CRISPLD1: variants seen among roughly 807,000 people sequenced by gnomAD.
The protein encoded by CRISPLD1 is cysteine-rich secretory protein LCCL domain-containing 1.
In CRISPLD1, 60 loss-of-function variants were observed where a neutral mutation model predicts 77.5. The observed-to-expected ratio is 0.77, with a 90% CI of 0.63 to 0.96. The LOEUF (loss-of-function observed/expected upper bound fraction) is 0.96, where lower values mean the gene tolerates loss of function less well. CRISPLD1 is among the 40% of genes least tolerant of loss of function. The pLI, the probability that CRISPLD1 is intolerant of heterozygous loss-of-function variation, is 0.00. For synonymous variants in CRISPLD1, 195 were observed against 200.1 expected (o/e 0.97, Z 0.22); for missense variants, 623 against 615.8 (o/e 1.01, Z -0.12).
At position 74,986,128 on chromosome 8, in the gene CRISPLD1, G is replaced by T. The variant is rs1395663137; in HGVS notation, c.141G>T (p.Trp47Cys). 1.9e-6 allele frequency: 3 copies of T among 1,614,038 alleles called. No homozygotes were observed. Among genetic ancestry groups the T allele is most frequent in the Non-Finnish European group, 1.7e-6 (2 of 1,180,044 alleles). Residue 47 changes from tryptophan (W) to cysteine (C), a missense_variant, in exon 2 of 15, where the codon TGG becomes TGT. Coordinates refer to ENST00000262207, the MANE Select transcript of CRISPLD1 (RefSeq NM_031461.6). ...ACATGGATGAGGATGGTGAGTGGTGGATAGCCAAACAACGAGGGAAAAGGG... is the reference window on the plus strand; with the variant it reads ...ACATGGATGAGGATGGTGAGTGGTGTATAGCCAAACAACGAGGGAAAAGGG... ...EKYMDEDGEW[W>C]IAKQRGKRAI...
intron 13 of CRISPLD1, chr8:75,026,371 T>G (rs1311552111): frequency 6.6e-6 from 1 of 152,414 alleles, no homozygotes; most frequent in African/African-American, 2.4e-5. Context: ...AGCCAGGTTT[T>G]TAGTGTTGGT....
intron 5 of CRISPLD1, among the ~76,000 whole-genome samples, chr8:75,014,404 A>G (rs17296737): frequency 0.026 from 3,994 of 152,244 alleles, 63 homozygotes; most frequent in Non-Finnish European, 0.035. Flanking sequence ...ATTAACAGCT[A>G]TACATTAATT....
In CRISPLD1 at chr8:75,032,285, C is replaced by T. The variant is rs774247128; in HGVS notation, c.*43C>T. The T allele has an allele frequency of 5.5e-6, 8 of 1,462,120 alleles. No homozygotes were observed. The highest frequency in any genetic ancestry group is 7.6e-6 in the Non-Finnish European group (8 of 1,055,840). The allele number at this position is 1,462,120 out of a possible 1,614,324, so 90.6% of individuals were successfully genotyped here. ...AGGACCATAAAGACTATTCCAAATG[C>T]AATATTTCTGAATTTTGTATAAAAC... On this transcript the variant is annotated 3_prime_UTR_variant, in exon 15 of 15. Transcript: ENST00000262207.
In CRISPLD1 at chr8:75,020,074, C is replaced by A; in HGVS notation, c.1239C>A (p.Cys413Ter). The A allele has an allele frequency of 6.2e-7, 1 of 1,613,624 alleles. No homozygotes were observed. The highest frequency in any genetic ancestry group is 8.5e-7 in the Non-Finnish European group (1 of 1,179,576). The change falls in exon 12 of 15, where the codon TGC becomes TGA. Residue 413 changes from cysteine to a stop codon, truncating the protein, a stop_gained. Coordinates refer to ENST00000262207, the MANE Select transcript of CRISPLD1 (RefSeq NM_031461.6). LOFTEE classifies it high-confidence loss of function. ...CATTTCATAAGCCTGCTTCACATTG[C>A]CCAAGGTAAACCAGTGTACACATAG... ...LCPFHKPASH[C>*]PRVYCPRNCM...
chr8:75,030,671 C>T (rs1002329508), intron 14 of CRISPLD1, among the ~76,000 whole-genome samples: 5 of 146,592 alleles, frequency 3.4e-5, no homozygotes, highest in Admixed American at 1.3e-4. Context: ...GGCCTATACC[C>T]GGAGATATAT....
At chr8:75,006,019 T>C (rs1443761682) in intron 2 of CRISPLD1, among the ~76,000 whole-genome samples, 2 of 152,138 alleles carry the variant, frequency 1.3e-5, no homozygotes, top group African/African-American at 4.8e-5. Context: ...ATCATCCAAA[T>C]AGTGAACATT....
chr8:75,029,071 G>T (rs1408677145), intron 13 of CRISPLD1, among the ~76,000 whole-genome samples: 3 of 152,148 alleles, frequency 2.0e-5, no homozygotes, highest in South Asian at 2.1e-4. Context: ...GATAAAAGAA[G>T]CTAATTTGCT....
intron 2 of CRISPLD1, among the ~76,000 whole-genome samples, chr8:74,994,642 C>T (rs989144215): frequency 2.6e-5 from 4 of 152,184 alleles, no homozygotes; most frequent in African/African-American, 9.7e-5. Context: ...TGCCTTCCCT[C>T]TCAAAACGCA....
At chr8:74,985,001 T>TC (rs1438316046) in intron 1 of CRISPLD1, 81 bp downstream of exon 1, 12 of 139,356 alleles carry the variant, frequency 8.6e-5, no homozygotes, top group African/African-American at 3.8e-4. Context: ...TAAACTGTAC[T>TC]TAAAAAAAAA....
At chr8:74,997,082 A>G (rs1363249191) in intron 2 of CRISPLD1, among the ~76,000 whole-genome samples, 1 of 152,194 alleles carries the variant, frequency 6.6e-6, no homozygotes, top group Non-Finnish European at 1.5e-5. Flanking sequence ...ATGGAAAAGC[A>G]CTGGACAGTT....
intron 6 of CRISPLD1, among the ~76,000 whole-genome samples, chr8:75,015,615 G>A (rs184557611): frequency 6.6e-6 from 1 of 152,114 alleles, no homozygotes; most frequent in Non-Finnish European, 1.5e-5. Context: ...TAATGTAGAC[G>A]AAGTGTATTA....
At chr8:75,031,409 G>A (rs1813343385) in intron 14 of CRISPLD1, among the ~76,000 whole-genome samples, 1 of 151,858 alleles carries the variant, frequency 6.6e-6, no homozygotes, top group South Asian at 2.1e-4. Context: ...ATGATTAATG[G>A]TACTACCAAT....
intron 2 of CRISPLD1, among the ~76,000 whole-genome samples, chr8:74,996,056 A>AT (rs1264445365): frequency 8.0e-5 from 12 of 149,874 alleles, no homozygotes; most frequent in African/African-American, 1.5e-4. Context: ...ATATATATAT[A>AT]AATACGCATG....
chr8:75,022,580 T>A (rs1372027348), intron 12 of CRISPLD1, among the ~76,000 whole-genome samples: 3 of 144,940 alleles, frequency 2.1e-5, no homozygotes, highest in African/African-American at 7.7e-5. Flanking sequence ...AGAGCGAGAC[T>A]CTGTCTCAGA....
chr8:75,020,536 A>G (rs1813115612), intron 12 of CRISPLD1, among the ~76,000 whole-genome samples: 1 of 152,090 alleles, frequency 6.6e-6, no homozygotes, highest in African/African-American at 2.4e-5. Flanking sequence ...AAGAGAGCTC[A>G]CTCTCTTACA....
Position 75,033,465 on chromosome 8 carries a change from T to C in CRISPLD1, c.*1223T>C, listed in dbSNP as rs1813389150. On this transcript the variant is annotated 3_prime_UTR_variant, in exon 15 of 15. Transcript: ENST00000262207. ...ATCGACCTGATTATTTAGGTATTTG[T>C]ATGTGAAAGAGAAACACATATTTAG... 6.6e-6 allele frequency: 1 copy of C among 151,974 alleles called. No individual in the cohort carries two copies. Among genetic ancestry groups the C allele is most frequent in the Non-Finnish European group, 1.5e-5 (1 of 67,868 alleles). 9.4% of individuals were successfully genotyped at this position (151,974 alleles called of 1,614,324 possible).
At chr8:74,992,741 C>T (rs1333521223) in intron 2 of CRISPLD1, among the ~76,000 whole-genome samples, 4 of 152,038 alleles carry the variant, frequency 2.6e-5, no homozygotes, top group Admixed American at 6.5e-5. Flanking sequence ...AACTGTAAGA[C>T]GAAACACATC....
intron 2 of CRISPLD1, among the ~76,000 whole-genome samples, chr8:74,989,990 C>T (rs1038025030): frequency 2.6e-5 from 4 of 152,154 alleles, no homozygotes; most frequent in African/African-American, 9.6e-5. Flanking sequence ...TAAGTGAAAT[C>T]ACTCAGAAAC....
intron 2 of CRISPLD1, chr8:75,000,232 A>C (rs896993590): frequency 1.0e-5 from 10 of 985,320 alleles, no homozygotes; most frequent in African/African-American, 1.7e-5. Flanking sequence ...AAGACGTGTC[A>C]AATCTGTATC....
Sources: gnomAD v4.1 joint callset for allele counts (sites outside exome capture counted in the v4.1 genomes callset) on GRCh38, gnomAD v4.1.1 for gene constraint, MANE v1.5 for transcripts, NCBI Gene and HGNC (gene_info 2026-07-23, HGNC 2026-07-21) for gene names.